PCNX2: variants seen among roughly 807,000 people sequenced by gnomAD.
PCNX2 encodes pecanex 2, also known as pecanex-like protein 2.
A neutral mutation model predicts 223.8 loss-of-function variants in PCNX2; 168 were observed. That is an observed-to-expected ratio of 0.75 (90% CI 0.66 to 0.85). The LOEUF (loss-of-function observed/expected upper bound fraction) is 0.85. Ranked by LOEUF, PCNX2 falls within the 40% of genes least tolerant of loss-of-function variation. The probability of loss-of-function intolerance (pLI) is 0.00; values close to 1 mark genes in which losing one functional copy is unlikely to be tolerated. For synonymous variants in PCNX2, 1,006 were observed against 1,052.6 expected, an observed-to-expected ratio of 0.96 and a Z score of 0.86; for missense variants, 2,507 against 2,675.5, an observed-to-expected ratio of 0.94 and a Z score of 1.39.
At chr1:233,028,855 T>C in intron 25 of PCNX2, among the ~76,000 whole-genome samples, 1 of 150,982 alleles carries the variant, frequency 6.6e-6, no homozygotes, top group East Asian at 1.9e-4. Context: ...TTTTTTTTTT[T>C]TGAGATGGAG....
intron 22 of PCNX2, chr1:233,095,278 A>T (rs1242404124): frequency 6.5e-6 from 1 of 152,774 alleles, no homozygotes; most frequent in Non-Finnish European, 1.5e-5. Flanking sequence ...TTAATTTTTT[A>T]GTCTTCCCAA....
intron 17 of PCNX2, among the ~76,000 whole-genome samples, chr1:233,169,537 C>T (rs111817684): frequency 0.056 from 8,337 of 149,488 alleles, 457 homozygotes; most frequent in East Asian, 0.3. Flanking sequence ...CCCAGCTACA[C>T]GGGAGGCTGA....
chr1:233,284,686 T>C (rs778114628), intron 1 of PCNX2, among the ~76,000 whole-genome samples: 4 of 152,172 alleles, frequency 2.6e-5, no homozygotes, highest in South Asian at 2.1e-4. Flanking sequence ...TCTGTTGTCA[T>C]AGACATAAGT....
At chr1:233,321,696 A>G in the PCNX2 span, among the ~76,000 whole-genome samples, 1 of 152,188 alleles carries the variant, frequency 6.6e-6, no homozygotes, top group African/African-American at 2.4e-5. Context: ...ACCTGTACTG[A>G]GGATTTGAGA....
At chr1:233,035,461 T>C (rs1671422229) in intron 25 of PCNX2, among the ~76,000 whole-genome samples, 1 of 152,222 alleles carries the variant, frequency 6.6e-6, no homozygotes, top group Non-Finnish European at 1.5e-5. Flanking sequence ...ATCATTGCCT[T>C]CATTAGCCAT....
At chr1:233,203,490 G>C (rs1233597145) in intron 13 of PCNX2, among the ~76,000 whole-genome samples, 5 of 152,102 alleles carry the variant, frequency 3.3e-5, no homozygotes, top group Admixed American at 3.3e-4. Flanking sequence ...ACATATATGA[G>C]GGATCATAAA....
chr1:233,090,312 A>G (rs2102939073), intron 22 of PCNX2, 122 bp from the exon 23 acceptor site: 2 of 1,158,076 alleles, frequency 1.7e-6, no homozygotes, highest in Non-Finnish European at 2.4e-6. Flanking sequence ...AACAAAGAAC[A>G]CACACTTAAT....
chr1:233,202,625 C>T (rs754628082), intron 13 of PCNX2, among the ~76,000 whole-genome samples: 1 of 152,112 alleles, frequency 6.6e-6, no homozygotes, highest in African/African-American at 2.4e-5. Flanking sequence ...AGCCTTTAAA[C>T]AAGACATAGG....
chr1:233,221,378 T>C (rs567967512), intron 10 of PCNX2, among the ~76,000 whole-genome samples: 1 of 152,008 alleles, frequency 6.6e-6, no homozygotes, highest in South Asian at 2.1e-4. Flanking sequence ...GAAATAAAAT[T>C]TCAAAGAAAA....
rs369073067 is a variant in PCNX2, at chr1:233,029,468, C to T, written c.4352-4069G>A. On this transcript the variant is annotated intron_variant, in intron 25 of 33. Coordinates refer to ENST00000258229, the MANE Select transcript of PCNX2 (RefSeq NM_014801.4). ...TTAAAAAGAAAAAAATCTTTGCTCACATATTTGCCATTTCTCACAATCTTC... is the reference window on the plus strand; with the variant it reads ...TTAAAAAGAAAAAAATCTTTGCTCATATATTTGCCATTTCTCACAATCTTC... Among the ~76,000 whole-genome samples, 300 of 152,252 alleles carry T rather than the reference C, an allele frequency of 2.0e-3. 1 individual carries two copies. Among genetic ancestry groups the T allele is most frequent in the African/African-American group, 6.3e-3 (261 of 41,560 alleles).
At chr1:233,122,789 C>T (rs1228733824) in intron 21 of PCNX2, among the ~76,000 whole-genome samples, 1 of 152,144 alleles carries the variant, frequency 6.6e-6, no homozygotes, top group African/African-American at 2.4e-5. Context: ...TCCCAAAGTG[C>T]TGGGATTACA....
rs1002439517 is a variant in PCNX2, at chr1:233,135,255, C to T, written c.3660-65G>A. ...TGCACACTGCTGGATGAGTTTCATTCGCTAACAATTCTCCAGGATTGATGG... is the reference window on the plus strand; with the variant it reads ...TGCACACTGCTGGATGAGTTTCATTTGCTAACAATTCTCCAGGATTGATGG... On this transcript the variant is annotated intron_variant, in intron 20 of 33. Coordinates refer to ENST00000258229, the MANE Select transcript of PCNX2 (RefSeq NM_014801.4). 141 of 1,450,560 alleles carry T rather than the reference C, an allele frequency of 9.7e-5. 3 individuals are homozygous for T. The South Asian group carries it at 1.6e-3, about 17-fold the overall frequency. The allele number at this position is 1,450,560 out of a possible 1,614,324, so 89.9% of individuals were successfully genotyped here.
At chr1:233,112,720 AAC>A in intron 21 of PCNX2, 1 of 660,814 alleles carries the variant, frequency 1.5e-6, no homozygotes. Flanking sequence ...TGAACAATAT[AAC>A]TAAATTCACA....
At chr1:233,217,758 A>C in intron 12 of PCNX2, 141 bp downstream of exon 12, 1 of 826,452 alleles carries the variant, frequency 1.2e-6, no homozygotes, top group Non-Finnish European at 1.8e-6. Flanking sequence ...GCACTTATAT[A>C]TATATATATT....
chr1:233,094,178 A>C (rs938124941), intron 22 of PCNX2, among the ~76,000 whole-genome samples: 1 of 152,248 alleles, frequency 6.6e-6, no homozygotes, highest in African/African-American at 2.4e-5. Context: ...ATCAGGAATT[A>C]TAACCTCAAG....
Position 233,139,956 on chromosome 1 carries a change from G to A in PCNX2, c.3518-101C>T, listed in dbSNP as rs1677014047. On this transcript the variant is annotated intron_variant, in intron 19 of 33. Transcript: ENST00000258229. The surrounding 1 kb of genome is among the most constrained non-coding windows in gnomAD (Gnocchi z 4.4). ...AATATTCCCCCCCTTTAATTCAAAA[G>A]CTGCTAATTAAGAACTCGTGATACT... is the stretch of plus-strand genomic sequence containing the variant. 3 of 1,403,162 alleles carry A rather than the reference G, an allele frequency of 2.1e-6. No homozygotes were observed. Among genetic ancestry groups the A allele is most frequent in the Non-Finnish European group, 2.9e-6 (3 of 1,049,976 alleles). The allele number at this position is 1,403,162 out of a possible 1,614,324, so 86.9% of individuals were successfully genotyped here.
At chr1:233,297,191 G>C (rs1662169628), upstream of PCNX2, among the ~76,000 whole-genome samples, 1 of 148,430 alleles carries the variant, frequency 6.7e-6, no homozygotes, top group African/African-American at 2.6e-5. Context: ...CATGGGTATA[G>C]GAGGAAAGGT....
intron 26 of PCNX2, among the ~76,000 whole-genome samples, chr1:233,017,948 T>C (rs528440644): frequency 6.6e-6 from 1 of 152,312 alleles, no homozygotes; most frequent in South Asian, 2.1e-4. Context: ...TGAAAGAGAT[T>C]GGGGTAGACC....
intron 21 of PCNX2, among the ~76,000 whole-genome samples, chr1:233,121,639 G>A (rs79564997): frequency 0.019 from 2,921 of 152,230 alleles, 111 homozygotes; most frequent in African/African-American, 0.066. Context: ...CTGTACATGC[G>A]AATTGGAATT....
Sources: gnomAD v4.1 joint callset for allele counts (sites outside exome capture counted in the v4.1 genomes callset) on GRCh38, gnomAD v4.1.1 for gene constraint, Gnocchi (gnomAD v3.1) non-coding constraint, MANE v1.5 for transcripts, NCBI Gene and HGNC (gene_info 2026-07-23, HGNC 2026-07-21) for gene names.